Variants in FREM1 observed in about 807,000 individuals in gnomAD.
FREM1 encodes the protein FRAS1-related extracellular matrix protein 1.
FREM1 carries 220 observed loss-of-function variants against 210.1 expected under a neutral mutation model. That is an observed-to-expected ratio of 1.05 (90% CI 0.94 to 1.17). The LOEUF (loss-of-function observed/expected upper bound fraction) is 1.17, where lower values mean the gene tolerates loss of function less well. FREM1 is among the 50% of genes most tolerant of loss of function. The pLI is 0.00. For synonymous variants in FREM1, 1,189 were observed against 980.2 expected, an observed-to-expected ratio of 1.21 and a Z score of -3.98; for missense variants, 3,454 against 2,675.5, an observed-to-expected ratio of 1.29 and a Z score of -6.42.
intron 1 of FREM1, among the ~76,000 whole-genome samples, chr9:14,882,268 A>G (rs1351795756): frequency 2.6e-5 from 4 of 152,096 alleles, no homozygotes; most frequent in Admixed American, 1.3e-4. Context: ...CTCTAATTAT[A>G]TCATAGTAAA....
intron 1 of FREM1, among the ~76,000 whole-genome samples, chr9:14,870,183 C>A (rs772390482): frequency 1.3e-5 from 2 of 152,156 alleles, no homozygotes; most frequent in South Asian, 2.1e-4. Flanking sequence ...CCAGTAGATA[C>A]CAAAATGAAT....
intron 12 of FREM1, 124 bp from the exon 13 acceptor site, chr9:14,823,451 G>T: frequency 1.3e-6 from 1 of 794,196 alleles, no homozygotes; most frequent in Non-Finnish European, 1.9e-6. Context: ...TCATCACTTT[G>T]AAGATTACCA....
intron 1 of FREM1, among the ~76,000 whole-genome samples, chr9:14,894,404 T>A (rs976825880): frequency 6.6e-6 from 1 of 152,250 alleles, no homozygotes; most frequent in Admixed American, 6.5e-5. Flanking sequence ...CTTGTTTTAA[T>A]CCTCTTCAAA....
chr9:14,740,953 A>C (rs2131883431), intron 35 of FREM1, among the ~76,000 whole-genome samples: 1 of 152,302 alleles, frequency 6.6e-6, no homozygotes, highest in South Asian at 2.1e-4. Context: ...TTTAAGTAAG[A>C]AGCCACTAAG....
chr9:14,825,547 G>GTGTGTGTGTGTGTGTATATATATA, intron 10 of FREM1, among the ~76,000 whole-genome samples: 4 of 75,928 alleles, frequency 5.3e-5, no homozygotes, highest in Non-Finnish European at 9.8e-5. Flanking sequence ...GTGTGTGTGT[G>GTGTGTGTGTGTGTGTATATATATA]TATATATATA....
At chr9:14,807,322 G>A (rs998495773) in intron 17 of FREM1, among the ~76,000 whole-genome samples, 2 of 152,170 alleles carry the variant, frequency 1.3e-5, no homozygotes, top group Non-Finnish European at 2.9e-5. Context: ...TCATAACGAA[G>A]AGTTTTTTCG....
At chr9:14,825,361 G>A (rs1008946408) in intron 10 of FREM1, among the ~76,000 whole-genome samples, 1 of 151,010 alleles carries the variant, frequency 6.6e-6, no homozygotes, top group Admixed American at 6.6e-5. Context: ...GGTGATGGGT[G>A]CCTGCAATCC....
intron 2 of FREM1, 71 bp downstream of exon 2, chr9:14,868,673 G>T: frequency 2.1e-6 from 2 of 952,690 alleles, no homozygotes; most frequent in Non-Finnish European, 3.3e-6. Context: ...TCTGTTCTCT[G>T]TCCCCCCACA....
At chr9:14,760,336 A>G (rs1391589878) in intron 27 of FREM1, among the ~76,000 whole-genome samples, 1 of 152,224 alleles carries the variant, frequency 6.6e-6, no homozygotes, top group African/African-American at 2.4e-5. Context: ...AACAAGAACA[A>G]TTCCAGACAG....
At chr9:14,830,335 A>T (rs1301529315) in intron 10 of FREM1, among the ~76,000 whole-genome samples, 1 of 152,164 alleles carries the variant, frequency 6.6e-6, no homozygotes, top group Non-Finnish European at 1.5e-5. Flanking sequence ...CTGTAGCCAT[A>T]AGCAGGCTGG....
chr9:14,792,820 T>C lies in FREM1; in HGVS notation c.3904A>G (p.Ile1302Val), dbSNP rs577186728. The change falls in exon 22 of 37, where the codon ATA (isoleucine) becomes GTA (valine). Residue 1302 changes from isoleucine to valine, a missense_variant. By Grantham distance (29) the Ile-to-Val change is conservative. Transcript: ENST00000380880. ...TTCTCCCTGGGTGAGTCTTCATCTA[T>C]GGCTGAAAGAATAGCACTGGAAATA... ...RIISSAILSA[I>V]DEDSPREKIY... 11 of 1,605,200 alleles carry C rather than the reference T, an allele frequency of 6.9e-6. No homozygotes were observed. The highest frequency in any genetic ancestry group is 6.8e-5 in the Admixed American group (4 of 59,120).
Position 14,759,855 on chromosome 9 carries a change from C to T in FREM1, c.5251G>A (p.Glu1751Lys), listed in dbSNP as rs1410865261. 6 of 1,610,768 alleles carry T rather than the reference C, an allele frequency of 3.7e-6. No homozygotes were observed. Among genetic ancestry groups the T allele is most frequent in the South Asian group, 1.1e-5 (1 of 90,794 alleles). Residue 1751 changes from glutamate (E) to lysine (K), a missense_variant, in exon 28 of 37, where the codon GAA becomes AAA. Physicochemically the swap from Glu to Lys is moderately conservative, Grantham distance 56. Transcript: ENST00000380880. ...SHIEWSQTEYEVCENVGLLPL... is the reference protein window; with the variant it reads ...SHIEWSQTEYKVCENVGLLPL... ...AACAAACCCACATTCTCACAGACTT[C>T]ATATTCGGTCTGTGACCATTCAATA...
intron 1 of FREM1, among the ~76,000 whole-genome samples, chr9:14,872,240 T>C (rs1207088905): frequency 1.3e-5 from 2 of 152,190 alleles, no homozygotes; most frequent in Non-Finnish European, 2.9e-5. Context: ...TGGCATTGAA[T>C]CTATAAATTA....
At position 14,841,533 on chromosome 9, in the gene FREM1, G is replaced by A. The variant is rs774310234; in HGVS notation, c.1795C>T (p.Arg599Cys). The change falls in exon 10 of 37, where the codon CGT (arginine) becomes TGT (cysteine). Residue 599 changes from arginine to cysteine, a missense_variant. Transcript: ENST00000380880. ...RDLFNGIIYYRHFGGEIFEDS... is the reference protein window; with the variant it reads ...RDLFNGIIYYCHFGGEIFEDS... ...TCAAAGATTTCTCCACCAAAATGACGATAATAAATGATTCCATTAAACAAA... is the reference window on the plus strand; with the variant it reads ...TCAAAGATTTCTCCACCAAAATGACAATAATAAATGATTCCATTAAACAAA... The A allele has an allele frequency of 6.2e-6, 10 of 1,611,510 alleles. No homozygotes were observed. Among genetic ancestry groups the A allele is most frequent in the South Asian group, 5.5e-5 (5 of 90,804 alleles).
At position 14,802,340 on chromosome 9, in the gene FREM1, C is replaced by T. The variant is rs1473223641; in HGVS notation, c.3472-466G>A. The stretch of plus-strand genomic sequence containing the variant: ...AAGTGATACAAATATTTGCTACATA[C>T]ACTAAGCATATTTGGTGGTTTTTAT... On this transcript the variant is annotated intron_variant, in intron 19 of 36. Transcript: ENST00000380880. Among the ~76,000 whole-genome samples the T allele has an allele frequency of 5.3e-5, 8 of 152,200 alleles. No individual in the cohort carries two copies. The East Asian group carries it at 1.3e-3, about 26-fold the overall frequency.
At chr9:14,846,971 G>A (rs901972229) in intron 7 of FREM1, among the ~76,000 whole-genome samples, 6 of 152,188 alleles carry the variant, frequency 3.9e-5, no homozygotes, top group Non-Finnish European at 7.3e-5. Flanking sequence ...AGTGGCGGCA[G>A]GACCAACCTT....
At chr9:14,908,062 G>C (rs959635038) in intron 1 of FREM1, among the ~76,000 whole-genome samples, 6 of 152,150 alleles carry the variant, frequency 3.9e-5, no homozygotes, top group Non-Finnish European at 7.3e-5. Flanking sequence ...TAAATGTTTG[G>C]AATGAGGAAA....
Position 14,808,072 on chromosome 9 carries a change from C to A in FREM1, c.2956G>T (p.Ala986Ser), listed in dbSNP as rs1353476220. 3 of 1,613,466 alleles carry A rather than the reference C, an allele frequency of 1.9e-6. No individual in the cohort carries two copies. In the South Asian group the frequency reaches 3.3e-5, roughly 18 times the overall value. Residue 986 changes from alanine to serine, a missense_variant, in exon 17 of 37, where the codon GCT becomes TCT. Physicochemically the swap from Ala to Ser is moderately conservative, Grantham distance 99. Coordinates refer to ENST00000380880, the MANE Select transcript of FREM1 (RefSeq NM_001379081.2). The part of the protein sequence containing the change: ...TITLVVSDGE[A>S]GPFVNGCCYN... ...CAACAGCCATTCACAAAAGGGCCAG[C>A]CTCTCCATCCGAAACCACCAATGTA...
At chr9:14,749,067 TAAG>T (rs1842916599) in intron 30 of FREM1, among the ~76,000 whole-genome samples, 1 of 152,184 alleles carries the variant, frequency 6.6e-6, no homozygotes, top group African/African-American at 2.4e-5. Context: ...GTCATAGAAT[TAAG>T]TAGTATTTAT....
Sources: allele counts gnomAD v4.1 joint callset (sites outside exome capture counted in the v4.1 genomes callset), GRCh38; gene constraint gnomAD v4.1.1; transcripts MANE v1.5; gene names NCBI Gene and HGNC (gene_info 2026-07-23, HGNC 2026-07-21).